Variants in CCDC88C observed in about 807,000 individuals in gnomAD.
The protein encoded by CCDC88C is coiled-coil and HOOK domain protein 88C, also known as protein Daple.
CCDC88C carries 131 observed loss-of-function variants against 198.8 expected under a neutral mutation model. That is an observed-to-expected ratio of 0.66 (90% CI 0.57 to 0.76). The LOEUF is 0.76. Ranked by LOEUF, CCDC88C falls within the 30% of genes least tolerant of loss-of-function variation. The pLI, the probability that CCDC88C is intolerant of heterozygous loss-of-function variation, is 0.00. For missense variants in CCDC88C, 2,553 were observed against 2,631.6 expected (o/e 0.97, Z 0.65); for synonymous variants, 1,166 against 1,114.7 (o/e 1.05, Z -0.92).
rs547602905 is a variant in CCDC88C, at chr14:91,346,075, C to T, written c.341-2418G>A. 4.6e-5 allele frequency among the ~76,000 whole-genome samples: 7 copies of T among 152,284 alleles called. No homozygotes were observed. The South Asian group carries it at 8.3e-4, about 18-fold the overall frequency. On this transcript the variant is annotated intron_variant, in intron 4 of 29. Transcript: ENST00000389857. ...AGTGTCCCAAAGTGTCAAAGACTGC[C>T]GGGATGAAAAAACCAAACCGCCGTC...
chr14:91,382,438 T>C (rs920259264), intron 3 of CCDC88C, among the ~76,000 whole-genome samples: 4 of 152,220 alleles, frequency 2.6e-5, no homozygotes, highest in Admixed American at 1.3e-4. Flanking sequence ...ATCTGGACTC[T>C]AAATTGGCCT....
rs1378120113 is a variant in CCDC88C at position 91,371,198 on chromosome 14, T to C, written c.271-11487A>G. Among the ~76,000 whole-genome samples the C allele has an allele frequency of 1.3e-5, 2 of 152,052 alleles. No individual in the cohort carries two copies. The highest frequency in any genetic ancestry group is 2.4e-5 in the African/African-American group (1 of 41,396). ...AGTTGATATAAGGGCCCTGATTTTA[T>C]GGCCGTGAGGGATCGTATGACTGTG... On this transcript the variant is annotated intron_variant, in intron 3 of 29. Transcript: ENST00000389857. This position sits in a 1 kb window ranked among gnomAD's most constrained non-coding sequence, Gnocchi z 4.2.
chr14:91,400,747 A>G, intron 3 of CCDC88C, among the ~76,000 whole-genome samples: 1 of 152,256 alleles, frequency 6.6e-6, no homozygotes, highest in East Asian at 1.9e-4. Flanking sequence ...TAACCAACAC[A>G]ATCACAAAGG....
rs1342058411 is a variant in CCDC88C, at chr14:91,313,405, T to A, written c.2411A>T (p.Glu804Val). 1 of 1,607,810 alleles carries A rather than the reference T, an allele frequency of 6.2e-7. No homozygotes were observed. The highest frequency in any genetic ancestry group is 1.3e-5 in the African/African-American group (1 of 75,002). Residue 804 changes from glutamate to valine, a missense_variant, in exon 15 of 30, where the codon GAG becomes GTG. Around this residue, in one of 2 missense-constraint regions of CCDC88C, gnomAD observed 1,260 missense variants for 1,412.0 expected, o/e 0.89. Coordinates refer to ENST00000389857, the MANE Select transcript of CCDC88C (RefSeq NM_001080414.4). This position sits in a 1 kb window ranked among gnomAD's most constrained non-coding sequence, Gnocchi z 5.2. ...AERQALRRDL[E>V]ALRLANAQLE... The stretch of plus-strand genomic sequence containing the variant: ...CTGTGCATTGGCCAGCCGGAGGGCC[T>A]CCAGGTCCCGCCGCAGCGCCTGGCG...
intron 3 of CCDC88C, among the ~76,000 whole-genome samples, chr14:91,406,356 T>C (rs1018921630): frequency 2.0e-5 from 3 of 151,194 alleles, no homozygotes; most frequent in Non-Finnish European, 4.4e-5. Context: ...TCACCTCCAT[T>C]TGAGACCTTC....
intron 3 of CCDC88C, among the ~76,000 whole-genome samples, chr14:91,367,671 G>A (rs1488397830): frequency 6.6e-6 from 1 of 152,160 alleles, no homozygotes; most frequent in Non-Finnish European, 1.5e-5. Context: ...AGGCTTCCCA[G>A]AGGAGACAGC....
intron 6 of CCDC88C, 25 bp downstream of exon 6, chr14:91,342,355 G>A: frequency 2.0e-6 from 3 of 1,478,430 alleles, no homozygotes; most frequent in Non-Finnish European, 2.8e-6. Flanking sequence ...CCACAGCTGA[G>A]CCCACCACGA....
chr14:91,294,873 T>G (rs12898070), intron 22 of CCDC88C, among the ~76,000 whole-genome samples: 29,979 of 152,186 alleles, frequency 0.2, 4,188 homozygotes, highest in African/African-American at 0.39. Context: ...TGGCAGGCTG[T>G]TCTCAAACTC....
rs1268354866 is a variant in CCDC88C, at chr14:91,339,400, G to C, written c.687C>G (p.Ile229Met). 1.9e-6 allele frequency: 3 copies of C among 1,613,512 alleles called. No homozygotes were observed. Among genetic ancestry groups the C allele is most frequent in the East Asian group, 4.5e-5 (2 of 44,858 alleles). Reference protein sequence around the residue: ...YLQAQHPPSPIKSSSADSTPS... With the variant: ...YLQAQHPPSPMKSSSADSTPS... ...GAGTGGAGTCGGCGCTGGAGGACTT[G>C]ATGGGGCTGGGTGGATGCTGTGCCT... Residue 229 changes from isoleucine (I) to methionine (M), a missense_variant, in exon 8 of 30, where the codon ATC becomes ATG. Ile to Met is a conservative substitution (Grantham distance 10). Coordinates refer to ENST00000389857, the MANE Select transcript of CCDC88C (RefSeq NM_001080414.4). The surrounding 1 kb of genome is among the most constrained non-coding windows in gnomAD (Gnocchi z 5.8).
In CCDC88C at chr14:91,343,742, A is replaced by T. The variant is rs1031772268; in HGVS notation, c.341-85T>A. On this transcript the variant is annotated intron_variant, in intron 4 of 29. Transcript: ENST00000389857. ...TGTTTACCGTAGGGAAAAAACAGAT[A>T]AAAAAAAATCATCTCTCTACTCTGT... The T allele has an allele frequency of 1.4e-5, 21 of 1,455,918 alleles. No homozygotes were observed. In the Middle Eastern group the frequency reaches 1.4e-3, roughly 97 times the overall value. 90.2% of individuals were successfully genotyped at this position (1,455,918 alleles called of 1,614,324 possible).
chr14:91,355,753 G>C (rs147052466), intron 4 of CCDC88C, among the ~76,000 whole-genome samples: 1 of 74,810 alleles, frequency 1.3e-5, no homozygotes, highest in Non-Finnish European at 3.6e-5. Flanking sequence ...GGGGGGTTAA[G>C]TGAGACATAC....
At chr14:91,295,392 T>A (rs1397534464) in intron 22 of CCDC88C, among the ~76,000 whole-genome samples, 1 of 152,218 alleles carries the variant, frequency 6.6e-6, no homozygotes, top group African/African-American at 2.4e-5. Context: ...TGTAGAGAAC[T>A]GCACGAGGCT....
At chr14:91,353,293 A>G (rs1278821958) in intron 4 of CCDC88C, among the ~76,000 whole-genome samples, 5 of 151,936 alleles carry the variant, frequency 3.3e-5, no homozygotes, top group Non-Finnish European at 7.4e-5. Context: ...TTGCCCAGAT[A>G]TTGCCTCCTC....
intron 3 of CCDC88C, among the ~76,000 whole-genome samples, chr14:91,370,871 G>A (rs935387604): frequency 6.6e-5 from 10 of 152,240 alleles, no homozygotes; most frequent in South Asian, 2.1e-4. Context: ...AGCAAAAAAT[G>A]ACAGAGGCGT....
rs184238940 is a variant in CCDC88C, at chr14:91,352,986, C to T, written c.340+6656G>A. ...GCCCTCACAAGTTCCCCGGGGCCCCCGAAGGAAGGCAGGGCTGTGCCGTGT... is the reference window on the plus strand; with the variant it reads ...GCCCTCACAAGTTCCCCGGGGCCCCTGAAGGAAGGCAGGGCTGTGCCGTGT... On this transcript the variant is annotated intron_variant, in intron 4 of 29. Transcript: ENST00000389857. The surrounding 1 kb of genome is among the most constrained non-coding windows in gnomAD (Gnocchi z 4.2). 2.0e-5 allele frequency among the ~76,000 whole-genome samples: 3 copies of T among 152,322 alleles called. No homozygotes were observed. Among genetic ancestry groups the T allele is most frequent in the East Asian group, 3.9e-4 (2 of 5,182 alleles).
At chr14:91,314,863 A>G (rs1206319473) in intron 14 of CCDC88C, among the ~76,000 whole-genome samples, 2 of 152,192 alleles carry the variant, frequency 1.3e-5, no homozygotes, top group African/African-American at 4.8e-5. Context: ...GGGGCCAGTG[A>G]TGGTGGCTCA....
At chr14:91,283,640 G>T in intron 25 of CCDC88C, 123 bp from the exon 26 acceptor site, 1 of 931,876 alleles carries the variant, frequency 1.1e-6, no homozygotes, top group Non-Finnish European at 1.6e-6. Context: ...AAGCGGGGCT[G>T]CCACAGCTCT....
At chr14:91,355,742 T>C (rs550141354) in intron 4 of CCDC88C, among the ~76,000 whole-genome samples, 1 of 136,720 alleles carries the variant, frequency 7.3e-6, no homozygotes, top group East Asian at 2.0e-4. Flanking sequence ...CTGATGGGTG[T>C]GGGGGGTTAA....
Position 91,314,046 on chromosome 14 carries a change from C to T in CCDC88C, c.1770G>A (p.Lys590=). The T allele has an allele frequency of 6.2e-7, 1 of 1,613,968 alleles. No homozygotes were observed. The highest frequency in any genetic ancestry group is 8.5e-7 in the Non-Finnish European group (1 of 1,179,884). The change falls in exon 15 of 30, where the codon AAG becomes AAA. Residue 590 remains lysine (K), a synonymous_variant. Transcript: ENST00000389857. ...SSEARMKDVE[K]ENKALHQTVT... is the part of the protein sequence containing the mutation. ...CCGTCTGGTGGAGGGCTTTGTTCTC[C>T]TTCTCCACGTCTTTCATGCGGGCCT... is the stretch of plus-strand genomic sequence containing the variant.
Sources: allele counts gnomAD v4.1 joint callset (sites outside exome capture counted in the v4.1 genomes callset), GRCh38; gene constraint gnomAD v4.1.1; regional missense constraint gnomAD v4.1.1; non-coding constraint Gnocchi (gnomAD v3.1); transcripts MANE v1.5; gene names NCBI Gene and HGNC (gene_info 2026-07-23, HGNC 2026-07-21).